Variants in KCNIP4 observed in about 807,000 individuals in gnomAD.
The protein encoded by KCNIP4 is potassium voltage-gated channel interacting protein 4.
KCNIP4 carries 12 observed loss-of-function variants against 34.0 expected under a neutral mutation model. The observed-to-expected ratio is 0.35, with a 90% CI of 0.23 to 0.57. The LOEUF (loss-of-function observed/expected upper bound fraction) is 0.57, where lower values mean the gene tolerates loss of function less well. KCNIP4 is among the 20% of genes least tolerant of loss of function. The pLI, the probability that KCNIP4 is intolerant of heterozygous loss-of-function variation, is 0.83. For synonymous variants in KCNIP4, 124 were observed against 102.2 expected, an observed-to-expected ratio of 1.21 and a Z score of -1.29; for missense variants, 238 against 311.7, an observed-to-expected ratio of 0.76 and a Z score of 1.78.
At chr4:21,404,497 TGA>T (rs1250325740) in intron 1 of KCNIP4, among the ~76,000 whole-genome samples, 2 of 152,154 alleles carry the variant, frequency 1.3e-5, no homozygotes, top group Admixed American at 1.3e-4. Context: ...ATTTAGATTT[TGA>T]GTATTTTTTC....
chr4:20,854,347 G>C (rs1721353205), intron 2 of KCNIP4, among the ~76,000 whole-genome samples: 1 of 152,160 alleles, frequency 6.6e-6, no homozygotes, highest in Non-Finnish European at 1.5e-5. Context: ...GGAGTGACCT[G>C]AATGAGATTG....
intron 1 of KCNIP4, among the ~76,000 whole-genome samples, chr4:21,867,889 T>C (rs1334681043): frequency 6.6e-6 from 1 of 152,224 alleles, no homozygotes; most frequent in Non-Finnish European, 1.5e-5. Flanking sequence ...AGATGGTCTT[T>C]TTTAAAAAGA....
intron 3 of KCNIP4, among the ~76,000 whole-genome samples, chr4:20,772,221 A>G (rs1286486003): frequency 1.3e-5 from 2 of 151,968 alleles, no homozygotes; most frequent in African/African-American, 4.8e-5. Context: ...CTGCGGGGGG[A>G]AAAGTTAACT....
intron 1 of KCNIP4, among the ~76,000 whole-genome samples, chr4:21,789,942 G>C (rs1279265436): frequency 6.6e-6 from 1 of 152,166 alleles, no homozygotes; most frequent in African/African-American, 2.4e-5. Context: ...TAGGAACCCA[G>C]AACTGAAGTC....
intron 1 of KCNIP4, among the ~76,000 whole-genome samples, chr4:21,713,524 C>T (rs558907329): frequency 1.6e-4 from 25 of 152,202 alleles, no homozygotes; most frequent in Non-Finnish European, 2.9e-4. Context: ...ATTTTGCTAC[C>T]TGCATAGAAA....
At chr4:21,697,366 T>C (rs540661202) in intron 1 of KCNIP4, 2 of 1,524,188 alleles carry the variant, frequency 1.3e-6, no homozygotes, top group South Asian at 1.3e-5. Context: ...GAAGAGAACC[T>C]GTTAATAGTC....
intron 2 of KCNIP4, among the ~76,000 whole-genome samples, chr4:20,879,328 G>A (rs898716687): frequency 6.6e-6 from 1 of 152,102 alleles, no homozygotes; most frequent in African/African-American, 2.4e-5. Flanking sequence ...TACCAATCAG[G>A]TAGCTCGATG....
At chr4:21,487,176 T>C (rs2109850098) in intron 1 of KCNIP4, among the ~76,000 whole-genome samples, 1 of 152,290 alleles carries the variant, frequency 6.6e-6, no homozygotes, top group East Asian at 1.9e-4. Context: ...AGATACCACA[T>C]TGCATTTAGT....
chr4:20,772,940 CCTTT>C (rs1221336515), intron 3 of KCNIP4, among the ~76,000 whole-genome samples: 1 of 150,374 alleles, frequency 6.7e-6, no homozygotes, highest in Non-Finnish European at 1.5e-5. Context: ...GGCCCCTTTC[CCTTT>C]CTTATTGCCA....
In KCNIP4 at chr4:20,981,474, C is replaced by T. The variant is rs376571054; in HGVS notation, c.62-98765G>A. ...ATTCCCATGTGCATTTTCATTTATTCCCTTTCTCAACATTAAGGAAGATGT... is the reference window on the plus strand; with the variant it reads ...ATTCCCATGTGCATTTTCATTTATTTCCTTTCTCAACATTAAGGAAGATGT... On this transcript the variant is annotated intron_variant, in intron 1 of 8. Transcript: ENST00000382152. Among the ~76,000 whole-genome samples the T allele has an allele frequency of 2.1e-4, 32 of 152,272 alleles. No individual in the cohort carries two copies. The South Asian group carries it at 2.9e-3, about 14-fold the overall frequency.
At chr4:21,829,303 G>A (rs1434099785) in intron 1 of KCNIP4, among the ~76,000 whole-genome samples, 1 of 152,002 alleles carries the variant, frequency 6.6e-6, no homozygotes, top group East Asian at 1.9e-4. Flanking sequence ...GAAACCATCT[G>A]TAGAGAGAAA....
intron 1 of KCNIP4, among the ~76,000 whole-genome samples, chr4:21,249,703 G>A (rs1760547519): frequency 6.6e-6 from 1 of 152,086 alleles, no homozygotes; most frequent in Non-Finnish European, 1.5e-5. Context: ...AAGATTATTT[G>A]AAGATGTTCA....
intron 1 of KCNIP4, among the ~76,000 whole-genome samples, chr4:21,604,799 A>G (rs1016885289): frequency 1.3e-5 from 2 of 152,144 alleles, no homozygotes; most frequent in African/African-American, 4.8e-5. Context: ...AATTCTTTTG[A>G]AAATCACTGT....
chr4:20,906,741 A>G (rs1337457272), intron 1 of KCNIP4, among the ~76,000 whole-genome samples: 4 of 152,292 alleles, frequency 2.6e-5, no homozygotes, highest in South Asian at 2.1e-4. Flanking sequence ...TCCCCTTCCT[A>G]TAGAAAACCT....
At chr4:21,500,608 T>TTGTTTAAA (rs1733237373) in intron 1 of KCNIP4, among the ~76,000 whole-genome samples, 2 of 152,290 alleles carry the variant, frequency 1.3e-5, no homozygotes, top group Admixed American at 1.3e-4. Context: ...AGTAGAAAAC[T>TTGTTTAAA]TGTTTAAATG....
At chr4:21,680,098 C>A (rs970022618) in intron 1 of KCNIP4, among the ~76,000 whole-genome samples, 5 of 152,204 alleles carry the variant, frequency 3.3e-5, no homozygotes, top group African/African-American at 9.7e-5. Context: ...ATTTTACCCA[C>A]AAGATAACTT....
chr4:21,166,681 G>A (rs1753647326), intron 1 of KCNIP4, among the ~76,000 whole-genome samples: 1 of 152,132 alleles, frequency 6.6e-6, no homozygotes, highest in African/African-American at 2.4e-5. Context: ...GCTCACGCCT[G>A]TAAACCCAGC....
chr4:21,215,865 G>A (rs937884239), intron 1 of KCNIP4, among the ~76,000 whole-genome samples: 1 of 152,150 alleles, frequency 6.6e-6, no homozygotes, highest in African/African-American at 2.4e-5. Flanking sequence ...CCCCCAGGCT[G>A]GAGTGTAGTG....
chr4:21,046,518 C>A (rs1742430664), intron 1 of KCNIP4, among the ~76,000 whole-genome samples: 1 of 151,640 alleles, frequency 6.6e-6, no homozygotes, highest in Admixed American at 6.6e-5. Context: ...TTAAATAAAG[C>A]CAGGGAATAT....
Sources: allele counts gnomAD v4.1 joint callset (sites outside exome capture counted in the v4.1 genomes callset), GRCh38; gene constraint gnomAD v4.1.1; transcripts MANE v1.5; gene names NCBI Gene and HGNC (gene_info 2026-07-23, HGNC 2026-07-21).